Variants in PDK1 observed in about 807,000 individuals in gnomAD.
PDK1 encodes pyruvate dehydrogenase kinase 1.
Under a neutral mutation model 54.2 loss-of-function variants are expected in PDK1, and 39 were observed. The observed-to-expected ratio is 0.72, with a 90% CI of 0.56 to 0.94. The LOEUF is 0.94. Ranked by LOEUF, PDK1 falls within the 40% of genes least tolerant of loss-of-function variation. The pLI is 0.00. For missense variants in PDK1, 552 were observed against 566.0 expected, an observed-to-expected ratio of 0.98 and a Z score of 0.25; for synonymous variants, 221 against 207.1, an observed-to-expected ratio of 1.07 and a Z score of -0.58.
chr2:172,568,842 C>G (rs772314752), intron 7 of PDK1, 25 bp downstream of exon 7: 2 of 1,334,886 alleles, frequency 1.5e-6, no homozygotes, highest in Non-Finnish European at 2.2e-6. Context: ...ATTACATAAC[C>G]TTTACCAGTA....
At chr2:172,567,145 C>A (rs1166863811) in intron 6 of PDK1, among the ~76,000 whole-genome samples, 4 of 152,086 alleles carry the variant, frequency 2.6e-5, no homozygotes, top group Admixed American at 2.6e-4. Flanking sequence ...ATCACATTTT[C>A]TTTATTTTTA....
At chr2:172,561,964 AAT>A (rs1318151767) in intron 2 of PDK1, among the ~76,000 whole-genome samples, 1 of 152,178 alleles carries the variant, frequency 6.6e-6, no homozygotes, top group Non-Finnish European at 1.5e-5. Context: ...GCCATTTTAG[AAT>A]GTAGAACTCG....
At chr2:172,696,802 A>G in the PDK1 span, among the ~76,000 whole-genome samples, 1 of 152,226 alleles carries the variant, frequency 6.6e-6, no homozygotes, top group Non-Finnish European at 1.5e-5. Flanking sequence ...AATATCTTCC[A>G]CAAGACTACT....
chr2:172,688,755 T>C, the PDK1 span, among the ~76,000 whole-genome samples: 1 of 150,866 alleles, frequency 6.6e-6, no homozygotes, highest in Non-Finnish European at 1.5e-5. Flanking sequence ...GGCCATTCAC[T>C]GGCTGAGTGC....
chr2:172,602,307 C>T lies in PDK1; in HGVS notation c.*6338C>T, dbSNP rs931076612. ...TATCATGAGCAAAAGGAGAATCTTT[C>T]CCAGGAACAGGAGGATGTTTTAATA... On this transcript the variant is annotated 3_prime_UTR_variant, in exon 11 of 11. Coordinates refer to ENST00000282077, the MANE Select transcript of PDK1 (RefSeq NM_002610.5). The T allele has an allele frequency of 6.6e-6, 1 of 152,130 alleles. No individual in the cohort carries two copies. The highest frequency in any genetic ancestry group is 2.4e-5 in the African/African-American group (1 of 41,414). The allele number at this position is 152,130 out of a possible 1,614,324, so 9.4% of individuals were successfully genotyped here. A position where few individuals can be genotyped will look rare whatever the true frequency, so the allele number is the denominator to read the frequency against.
chr2:172,702,529 C>T, the PDK1 span, among the ~76,000 whole-genome samples: 1 of 150,160 alleles, frequency 6.7e-6, no homozygotes. Context: ...CATTGTTAGA[C>T]CCTGAACTAC....
the PDK1 span, among the ~76,000 whole-genome samples, chr2:172,668,577 A>G: frequency 2.0e-5 from 3 of 151,484 alleles, no homozygotes; most frequent in African/African-American, 7.3e-5. Context: ...TGACTCTCTC[A>G]TCTACTCTCA....
the PDK1 span, among the ~76,000 whole-genome samples, chr2:172,713,824 T>TCCCGGCTCC: frequency 6.6e-6 from 1 of 151,944 alleles, no homozygotes; most frequent in Non-Finnish European, 1.5e-5. Flanking sequence ...TCCCGTCTGT[T>TCCCGGCTCC]CCCGGCTCCC....
At chr2:172,627,774 C>T in the PDK1 span, among the ~76,000 whole-genome samples, 4 of 152,306 alleles carry the variant, frequency 2.6e-5, no homozygotes, top group South Asian at 8.3e-4. Flanking sequence ...ATATTTGGTT[C>T]CCCTATACAA....
chr2:172,613,738 C>T, the PDK1 span, among the ~76,000 whole-genome samples: 9 of 152,298 alleles, frequency 5.9e-5, no homozygotes, highest in African/African-American at 1.9e-4. Context: ...ATGATGCCAG[C>T]AGGGAAGTGT....
At chr2:172,694,010 A>G in the PDK1 span, among the ~76,000 whole-genome samples, 1 of 152,222 alleles carries the variant, frequency 6.6e-6, no homozygotes, top group African/African-American at 2.4e-5. Context: ...CTTCCTGTGT[A>G]GTCAGGATAT....
chr2:172,579,412 A>G (rs1476005189), intron 8 of PDK1, among the ~76,000 whole-genome samples: 1 of 152,046 alleles, frequency 6.6e-6, no homozygotes, highest in Admixed American at 6.6e-5. Flanking sequence ...ATACGGATTC[A>G]GTTGTTTTAC....
chr2:172,638,970 C>T, the PDK1 span, among the ~76,000 whole-genome samples: 1 of 152,086 alleles, frequency 6.6e-6, no homozygotes, highest in African/African-American at 2.4e-5. Context: ...AAAAACGTCA[C>T]GACAAGGTGA....
At chr2:172,704,254 C>T in the PDK1 span, among the ~76,000 whole-genome samples, 4 of 152,136 alleles carry the variant, frequency 2.6e-5, no homozygotes, top group Non-Finnish European at 5.9e-5. Context: ...AGACTTCCCA[C>T]AGCGAAGTGG....
chr2:172,650,370 T>A, the PDK1 span, among the ~76,000 whole-genome samples: 1 of 152,172 alleles, frequency 6.6e-6, no homozygotes, highest in East Asian at 1.9e-4. Flanking sequence ...TACCAGCCAC[T>A]GCAAAAACAT....
the PDK1 span, among the ~76,000 whole-genome samples, chr2:172,641,837 C>T: frequency 7.2e-5 from 11 of 152,096 alleles, no homozygotes; most frequent in African/African-American, 9.7e-5. Context: ...TTTGGGAAAA[C>T]GTATTCTGGT....
At chr2:172,701,650 T>TG in the PDK1 span, among the ~76,000 whole-genome samples, 205 of 83,704 alleles carry the variant, frequency 2.4e-3, no homozygotes, top group Middle Eastern at 0.027. Flanking sequence ...TTTGTTTTGT[T>TG]TTTTTTTTTT....
At chr2:172,587,428 T>C (rs11902810) in intron 9 of PDK1, among the ~76,000 whole-genome samples, 26,605 of 151,296 alleles carry the variant, frequency 0.18, 2,781 homozygotes, top group African/African-American at 0.28. Flanking sequence ...TGCAGACCTT[T>C]GTGGTGAGTG....
chr2:172,558,674 T>C (rs1314535993), intron 1 of PDK1, 34 bp from the exon 2 acceptor site: 2 of 1,553,478 alleles, frequency 1.3e-6, no homozygotes, highest in South Asian at 2.5e-5. Flanking sequence ...TTATGGCTTT[T>C]ACTTACTGCT....
Sources: gnomAD v4.1 joint callset for allele counts (sites outside exome capture counted in the v4.1 genomes callset) on GRCh38, gnomAD v4.1.1 for gene constraint, MANE v1.5 for transcripts, NCBI Gene and HGNC (gene_info 2026-07-23, HGNC 2026-07-21) for gene names.